Variants in KAT6B observed in about 807,000 individuals in gnomAD.
KAT6B encodes the protein histone acetyltransferase KAT6B.
Under a neutral mutation model 187.5 loss-of-function variants are expected in KAT6B, and 10 were observed. That is an observed-to-expected ratio of 0.05 (90% CI 0.03 to 0.09). The LOEUF (loss-of-function observed/expected upper bound fraction) is 0.09, where lower values mean the gene tolerates loss of function less well. Among genes scored for constraint, KAT6B ranks in the 10% least tolerant of loss-of-function variants. The pLI, the probability that KAT6B is intolerant of heterozygous loss-of-function variation, is 1.00. For synonymous variants in KAT6B, 861 were observed against 926.8 expected (o/e 0.93, Z 1.29); for missense variants, 1,952 against 2,558.9 (o/e 0.76, Z 5.12).
At chr10:74,916,868 C>T (rs1189123795) in intron 3 of KAT6B, among the ~76,000 whole-genome samples, 3 of 152,130 alleles carry the variant, frequency 2.0e-5, no homozygotes, top group Non-Finnish European at 4.4e-5. Flanking sequence ...TTGGGAGGCC[C>T]AGGCGGGTGG....
At chr10:74,879,044 T>C (rs1161362047) in intron 3 of KAT6B, among the ~76,000 whole-genome samples, 3 of 152,226 alleles carry the variant, frequency 2.0e-5, no homozygotes, top group Non-Finnish European at 4.4e-5. Context: ...TTTCATTGGC[T>C]TGAGCTGAGC....
chr10:74,999,778 C>G (rs1843702990), intron 13 of KAT6B, among the ~76,000 whole-genome samples: 1 of 152,170 alleles, frequency 6.6e-6, no homozygotes, highest in African/African-American at 2.4e-5. Context: ...CTAAGATCAT[C>G]CCCCAGAGAT....
chr10:74,964,083 A>T (rs984568926), intron 4 of KAT6B, among the ~76,000 whole-genome samples: 1 of 152,220 alleles, frequency 6.6e-6, no homozygotes, highest in African/African-American at 2.4e-5. Context: ...GTGAGCCGAG[A>T]TTGCACCACT....
chr10:74,976,642 C>A, intron 8 of KAT6B: 1 of 421,346 alleles, frequency 2.4e-6, no homozygotes, highest in Non-Finnish European at 4.4e-6. Context: ...GTAGCCACTG[C>A]CATGCTTCTG....
intron 3 of KAT6B, among the ~76,000 whole-genome samples, chr10:74,874,062 A>T (rs1844213940): frequency 1.3e-5 from 2 of 152,208 alleles, no homozygotes; most frequent in South Asian, 4.1e-4. Context: ...AAAATATAGC[A>T]TGCCTTGTGT....
chr10:74,869,945 A>G (rs1433221813), intron 3 of KAT6B, among the ~76,000 whole-genome samples: 2 of 152,134 alleles, frequency 1.3e-5, no homozygotes, highest in African/African-American at 2.4e-5. Flanking sequence ...CATGACATAT[A>G]TTTTCTGATC....
At chr10:75,013,823 G>A (rs112976061) in intron 13 of KAT6B, among the ~76,000 whole-genome samples, 141 of 152,276 alleles carry the variant, frequency 9.3e-4, no homozygotes, top group African/African-American at 3.3e-3. Flanking sequence ...AAATCCCTGA[G>A]GTCACACAGC....
At chr10:74,895,062 GT>G (rs56260562) in intron 3 of KAT6B, among the ~76,000 whole-genome samples, 40,962 of 140,978 alleles carry the variant, frequency 0.29, 9,813 homozygotes, top group African/African-American at 0.65. Flanking sequence ...TCAACACTTG[GT>G]TTTTTTTTTT....
intron 3 of KAT6B, among the ~76,000 whole-genome samples, chr10:74,865,832 T>G (rs969235702): frequency 3.4e-4 from 52 of 152,216 alleles, no homozygotes; most frequent in African/African-American, 1.0e-3. Context: ...ATTATTTTCT[T>G]AATACTTGCT....
At chr10:74,911,110 G>C (rs1482306109) in intron 3 of KAT6B, among the ~76,000 whole-genome samples, 1 of 151,998 alleles carries the variant, frequency 6.6e-6, no homozygotes, top group Non-Finnish European at 1.5e-5. Context: ...TACACATAAG[G>C]ATATTTCATA....
chr10:74,825,374 G>A (rs1375138775), upstream of KAT6B, among the ~76,000 whole-genome samples: 1 of 151,054 alleles, frequency 6.6e-6, no homozygotes, highest in Non-Finnish European at 1.5e-5. The surrounding 1 kb of genome is among the most constrained non-coding windows in gnomAD (Gnocchi z 5.0). Flanking sequence ...CCCCCGGGGC[G>A]GAGACTGGGG....
chr10:74,981,702 A>G (rs1010731589), intron 10 of KAT6B, 85 bp from the exon 11 acceptor site: 4 of 1,010,718 alleles, frequency 4.0e-6, no homozygotes, highest in Non-Finnish European at 3.1e-6. Flanking sequence ...CCTTTTTATG[A>G]TGTAGAGAAA....
intron 3 of KAT6B, among the ~76,000 whole-genome samples, chr10:74,889,079 T>G (rs1008631674): frequency 6.6e-6 from 1 of 152,154 alleles, no homozygotes; most frequent in African/African-American, 2.4e-5. Context: ...TGATAAGATC[T>G]TAGATTTGAT....
chr10:74,886,566 C>T (rs1222032139), intron 3 of KAT6B, among the ~76,000 whole-genome samples: 1 of 152,172 alleles, frequency 6.6e-6, no homozygotes, highest in Non-Finnish European at 1.5e-5. Flanking sequence ...TCCCCCGTGC[C>T]CCACATCTGG....
intron 3 of KAT6B, among the ~76,000 whole-genome samples, chr10:74,918,510 G>A (rs1372196978): frequency 1.3e-5 from 2 of 152,222 alleles, no homozygotes; most frequent in African/African-American, 2.4e-5. Context: ...GGGAGACCAA[G>A]GCAGGCGGAT....
chr10:74,934,057 G>T (rs893394706), intron 3 of KAT6B, among the ~76,000 whole-genome samples: 3 of 151,774 alleles, frequency 2.0e-5, no homozygotes, highest in Admixed American at 1.3e-4. Flanking sequence ...GTGGTGGCAG[G>T]TACCTATAAT....
intron 3 of KAT6B, among the ~76,000 whole-genome samples, chr10:74,944,573 G>A (rs1849960850): frequency 6.6e-6 from 1 of 152,138 alleles, no homozygotes; most frequent in Non-Finnish European, 1.5e-5. Context: ...ACTTTGGGAG[G>A]TCAAGGCGGG....
chr10:74,867,199 C>A (rs1265841893), intron 3 of KAT6B, among the ~76,000 whole-genome samples: 1 of 152,140 alleles, frequency 6.6e-6, no homozygotes, highest in Non-Finnish European at 1.5e-5. Context: ...TTATGATATG[C>A]AGTGTTGCCT....
intron 13 of KAT6B, among the ~76,000 whole-genome samples, chr10:74,994,984 A>C (rs1309045530): frequency 6.6e-6 from 1 of 151,950 alleles, no homozygotes; most frequent in East Asian, 1.9e-4. Context: ...GTACACACAC[A>C]CTCCCTTCAT....
Sources: allele counts gnomAD v4.1 joint callset (sites outside exome capture counted in the v4.1 genomes callset), GRCh38; gene constraint gnomAD v4.1.1; non-coding constraint Gnocchi (gnomAD v3.1); transcripts MANE v1.5; gene names NCBI Gene and HGNC (gene_info 2026-07-23, HGNC 2026-07-21).